RETREG1: variants seen among roughly 807,000 people sequenced by gnomAD.
The protein encoded by RETREG1 is reticulophagy regulator 1, also known as family with sequence similarity 134 member B.
A neutral mutation model predicts 54.8 loss-of-function variants in RETREG1; 44 were observed. The observed-to-expected ratio is 0.80, with a 90% CI of 0.63 to 1.03. RETREG1 has a LOEUF of 1.03. Among genes scored for constraint, RETREG1 ranks in the 50% least tolerant of loss-of-function variants. The pLI is 0.00. For synonymous variants in RETREG1, 217 were observed against 238.5 expected, an observed-to-expected ratio of 0.91 and a Z score of 0.83; for missense variants, 554 against 605.1, an observed-to-expected ratio of 0.92 and a Z score of 0.89.
chr5:16,520,175 G>A (rs773388261), intron 3 of RETREG1, among the ~76,000 whole-genome samples: 1 of 152,290 alleles, frequency 6.6e-6, no homozygotes, highest in East Asian at 1.9e-4. Context: ...TGATGGGGAG[G>A]GGGTGAGGAA....
chr5:16,529,151 T>C (rs190031684), intron 3 of RETREG1, among the ~76,000 whole-genome samples: 5 of 152,310 alleles, frequency 3.3e-5, no homozygotes, highest in African/African-American at 1.2e-4. Flanking sequence ...AAATAAAGTA[T>C]GGGGTTCTAC....
At chr5:16,500,634 A>G (rs1739669342) in intron 3 of RETREG1, among the ~76,000 whole-genome samples, 1 of 152,172 alleles carries the variant, frequency 6.6e-6, no homozygotes, top group South Asian at 2.1e-4. Flanking sequence ...CAAAAGACAT[A>G]TGGATGTCCT....
At chr5:16,576,750 A>G (rs1439313852) in intron 1 of RETREG1, among the ~76,000 whole-genome samples, 1 of 151,936 alleles carries the variant, frequency 6.6e-6, no homozygotes, top group Non-Finnish European at 1.5e-5. Context: ...CCGAAGTGCT[A>G]GGATTACAGG....
chr5:16,475,339 T>C, intron 8 of RETREG1, 105 bp from the exon 9 acceptor site: 2 of 1,345,004 alleles, frequency 1.5e-6, no homozygotes, highest in South Asian at 1.2e-5. Flanking sequence ...CTGGCAACCT[T>C]GGCATTCATC....
chr5:16,592,544 A>G (rs765473843), intron 1 of RETREG1, among the ~76,000 whole-genome samples: 1 of 152,208 alleles, frequency 6.6e-6, no homozygotes, highest in Non-Finnish European at 1.5e-5. Flanking sequence ...CAATCTCATT[A>G]CTGAATACAT....
chr5:16,611,716 C>T (rs1365034228), intron 1 of RETREG1, among the ~76,000 whole-genome samples: 2 of 152,298 alleles, frequency 1.3e-5, no homozygotes, highest in South Asian at 2.1e-4. Flanking sequence ...CAAAGTGGTA[C>T]ACTACCCAGC....
chr5:16,545,229 G>A (rs1741353402), intron 3 of RETREG1, among the ~76,000 whole-genome samples: 1 of 152,070 alleles, frequency 6.6e-6, no homozygotes, highest in Non-Finnish European at 1.5e-5. Context: ...GCAATGTGAT[G>A]AAAACATTTT....
chr5:16,610,497 C>T (rs1743311067), intron 1 of RETREG1, among the ~76,000 whole-genome samples: 1 of 152,154 alleles, frequency 6.6e-6, no homozygotes, highest in African/African-American at 2.4e-5. Flanking sequence ...AAAATTTTTG[C>T]AATCTACTCA....
intron 3 of RETREG1, among the ~76,000 whole-genome samples, chr5:16,534,097 A>C (rs1740989085): frequency 7.4e-6 from 1 of 135,518 alleles, no homozygotes; most frequent in African/African-American, 3.1e-5. Flanking sequence ...CTGAGAAACC[A>C]AAAAAAAAAA....
chr5:16,525,967 A>G (rs1338654566), intron 3 of RETREG1, among the ~76,000 whole-genome samples: 1 of 152,182 alleles, frequency 6.6e-6, no homozygotes, highest in Admixed American at 6.5e-5. Flanking sequence ...AAGGCCTTCA[A>G]TTAATTGGAT....
intron 3 of RETREG1, among the ~76,000 whole-genome samples, chr5:16,564,773 T>C (rs1353923478): frequency 6.6e-6 from 1 of 152,160 alleles, no homozygotes; most frequent in African/African-American, 2.4e-5. Context: ...CCCATGAAAA[T>C]CTGGGATTTG....
chr5:16,576,001 G>C (rs1443351868), intron 1 of RETREG1, among the ~76,000 whole-genome samples: 1 of 152,132 alleles, frequency 6.6e-6, no homozygotes, highest in African/African-American at 2.4e-5. Flanking sequence ...TTATTCTTTA[G>C]TTTATTCATT....
At chr5:16,595,269 C>A (rs925533122) in intron 1 of RETREG1, among the ~76,000 whole-genome samples, 3 of 151,918 alleles carry the variant, frequency 2.0e-5, no homozygotes, top group Non-Finnish European at 4.4e-5. Context: ...CCAGAAAGAT[C>A]TTTTTTTTAA....
At chr5:16,540,070 T>C (rs1347392605) in intron 3 of RETREG1, among the ~76,000 whole-genome samples, 8 of 152,196 alleles carry the variant, frequency 5.3e-5, no homozygotes, top group Non-Finnish European at 1.2e-4. Context: ...TGGCTACTGA[T>C]AGGAATACAG....
rs72744198 is a variant in RETREG1 at position 16,537,327 on chromosome 5, C to T, written c.458+28436G>A. Among the ~76,000 whole-genome samples the T allele has an allele frequency of 2.3e-3, 354 of 152,296 alleles. 1 individual carries two copies. Among genetic ancestry groups the T allele is most frequent in the Non-Finnish European group, 4.6e-3 (315 of 68,032 alleles). On this transcript the variant is annotated intron_variant, in intron 3 of 8. Transcript: ENST00000306320. ...AAACCGCAGGCGTGAGGCTCAGAGC[C>T]GACCCTGAGAACAACTCCTCTCCAC...
intron 3 of RETREG1, among the ~76,000 whole-genome samples, chr5:16,521,193 C>T (rs1740522968): frequency 6.6e-6 from 1 of 152,172 alleles, no homozygotes; most frequent in South Asian, 2.1e-4. Flanking sequence ...CGCTATGCCT[C>T]TGATATGAAG....
At chr5:16,479,049 A>G in intron 5 of RETREG1, 62 bp from the exon 6 acceptor site, 1 of 1,506,362 alleles carries the variant, frequency 6.6e-7, no homozygotes, top group South Asian at 1.2e-5. Flanking sequence ...CGTACATTTC[A>G]GTATTTCACA....
chr5:16,585,954 C>T lies in RETREG1; in HGVS notation c.321-13852G>A, dbSNP rs567418565. Among the ~76,000 whole-genome samples the T allele has an allele frequency of 6.6e-6, 1 of 152,178 alleles. No homozygotes were observed. The highest frequency in any genetic ancestry group is 2.4e-5 in the African/African-American group (1 of 41,444). On this transcript the variant is annotated intron_variant, in intron 1 of 8. Transcript: ENST00000306320. The surrounding 1 kb of genome is among the most constrained non-coding windows in gnomAD (Gnocchi z 4.5). ...CCAAACACCTCCCACCACACCCCACCTCCAACACTGGGGATCACATTGCAG... is the reference window on the plus strand; with the variant it reads ...CCAAACACCTCCCACCACACCCCACTTCCAACACTGGGGATCACATTGCAG...
intron 3 of RETREG1, among the ~76,000 whole-genome samples, chr5:16,509,995 T>C (rs1163528103): frequency 6.6e-6 from 1 of 152,080 alleles, no homozygotes; most frequent in Non-Finnish European, 1.5e-5. Context: ...CCCTGTTTCT[T>C]TAAAAAGCTA....
Sources: allele counts gnomAD v4.1 joint callset (sites outside exome capture counted in the v4.1 genomes callset), GRCh38; gene constraint gnomAD v4.1.1; non-coding constraint Gnocchi (gnomAD v3.1); transcripts MANE v1.5; gene names NCBI Gene and HGNC (gene_info 2026-07-23, HGNC 2026-07-21).